Variants in ELP3 observed in about 807,000 individuals in gnomAD.
ELP3 encodes elongator acetyltransferase complex subunit 3.
A neutral mutation model predicts 74.9 loss-of-function variants in ELP3; 56 were observed. The ratio of observed to expected loss-of-function variants is 0.75; its 90% CI spans 0.60 to 0.93. The LOEUF is 0.93. ELP3 is among the 40% of genes least tolerant of loss of function. ELP3 has a pLI of 0.00. For synonymous variants in ELP3, 222 were observed against 239.8 expected, an observed-to-expected ratio of 0.93 and a Z score of 0.68; for missense variants, 573 against 686.5, an observed-to-expected ratio of 0.83 and a Z score of 1.85.
intron 3 of ELP3, among the ~76,000 whole-genome samples, chr8:28,102,789 T>C (rs984543042): frequency 6.6e-6 from 1 of 152,208 alleles, no homozygotes; most frequent in Non-Finnish European, 1.5e-5. Context: ...ATACACTCTG[T>C]GTTCTACATT....
At chr8:28,090,467 A>G (rs1397916716), upstream of ELP3, 3 of 278,328 alleles carry the variant, frequency 1.1e-5, no homozygotes, top group Non-Finnish European at 6.8e-6. Context: ...TAAATCCTCC[A>G]TAGTCTGATG....
chr8:28,102,641 T>G (rs117284905), intron 3 of ELP3, among the ~76,000 whole-genome samples: 6 of 152,322 alleles, frequency 3.9e-5, no homozygotes, highest in East Asian at 1.9e-4. Context: ...GAAAAAAAAT[T>G]TATACACTTC....
At chr8:28,135,407 C>A (rs1373903462) in intron 9 of ELP3, among the ~76,000 whole-genome samples, 1 of 152,282 alleles carries the variant, frequency 6.6e-6, no homozygotes, top group Non-Finnish European at 1.5e-5. Flanking sequence ...TTTGATTCAT[C>A]CAGAGATGAA....
chr8:28,157,031 C>T (rs1240367342), intron 11 of ELP3, among the ~76,000 whole-genome samples: 1 of 152,148 alleles, frequency 6.6e-6, no homozygotes, highest in Non-Finnish European at 1.5e-5. Context: ...TCTCCATCTC[C>T]TCTCGCCTCC....
chr8:28,123,335 G>A (rs1487270422), intron 7 of ELP3, among the ~76,000 whole-genome samples: 1 of 152,088 alleles, frequency 6.6e-6, no homozygotes, highest in African/African-American at 2.4e-5. Context: ...GGTTTTTCTT[G>A]ATATCTTATT....
chr8:28,131,600 G>T (rs908366109), intron 8 of ELP3, among the ~76,000 whole-genome samples: 2 of 152,302 alleles, frequency 1.3e-5, no homozygotes, highest in Non-Finnish European at 2.9e-5. Flanking sequence ...GTGGCAGAAG[G>T]ATAGCCACAA....
intron 6 of ELP3, chr8:28,110,779 A>C (rs1434250582): frequency 4.4e-6 from 1 of 227,412 alleles, no homozygotes; most frequent in Admixed American, 5.5e-5. Context: ...TCCAAAAGTC[A>C]GATTAAGAAG....
chr8:28,153,391 C>T (rs899802494), intron 10 of ELP3, among the ~76,000 whole-genome samples: 8 of 152,208 alleles, frequency 5.3e-5, no homozygotes, highest in Non-Finnish European at 1.2e-4. Flanking sequence ...TACCTGTCCA[C>T]ATTTGTCCCT....
chr8:28,150,367 T>G (rs1268288125), intron 10 of ELP3, among the ~76,000 whole-genome samples: 1 of 152,228 alleles, frequency 6.6e-6, no homozygotes, highest in Non-Finnish European at 1.5e-5. Flanking sequence ...AAAGAATTTC[T>G]TTTAACGTTT....
At chr8:28,184,358 C>T (rs957487926) in intron 14 of ELP3, among the ~76,000 whole-genome samples, 3 of 152,140 alleles carry the variant, frequency 2.0e-5, no homozygotes, top group African/African-American at 7.2e-5. Flanking sequence ...AGGACAAGAA[C>T]TTCAATATAC....
At chr8:28,170,209 A>G (rs1814465691) in intron 14 of ELP3, among the ~76,000 whole-genome samples, 1 of 152,194 alleles carries the variant, frequency 6.6e-6, no homozygotes, top group South Asian at 2.1e-4. Context: ...AGTAAATTCC[A>G]TCTCTGTAAG....
upstream of ELP3, chr8:28,093,042 G>T: frequency 1.9e-6 from 2 of 1,078,098 alleles, no homozygotes; most frequent in Non-Finnish European, 1.4e-6. Flanking sequence ...CCTGTTAGTT[G>T]CAACACGGGG....
At chr8:28,153,464 A>C (rs1206955732) in intron 10 of ELP3, among the ~76,000 whole-genome samples, 1 of 152,252 alleles carries the variant, frequency 6.6e-6, no homozygotes, top group Non-Finnish European at 1.5e-5. Context: ...TGTGCCAGTG[A>C]AAAGAGCAAG....
upstream of ELP3, chr8:28,090,379 C>G (rs1811019714): frequency 2.6e-6 from 1 of 382,320 alleles, no homozygotes; most frequent in East Asian, 7.8e-5. Context: ...GCTTCCCGGT[C>G]TGGTGGTGAA....
chr8:28,180,363 G>A (rs1203010090), intron 14 of ELP3, among the ~76,000 whole-genome samples: 1 of 152,106 alleles, frequency 6.6e-6, no homozygotes, highest in African/African-American at 2.4e-5. Flanking sequence ...AATCTTTCAG[G>A]TTACTAATTT....
intron 6 of ELP3, 36 bp from the exon 7 acceptor site, chr8:28,112,983 T>C (rs1439739207): frequency 1.3e-6 from 2 of 1,597,708 alleles, no homozygotes; most frequent in Non-Finnish European, 1.7e-6. Context: ...TTCCTTATGC[T>C]TATATCATTC....
intron 14 of ELP3, among the ~76,000 whole-genome samples, chr8:28,169,158 G>C (rs1814422818): frequency 6.6e-6 from 1 of 152,122 alleles, no homozygotes; most frequent in African/African-American, 2.4e-5. Flanking sequence ...CTGTCCACTT[G>C]TCCACCATTC....
intron 10 of ELP3, among the ~76,000 whole-genome samples, chr8:28,139,003 G>A (rs3757892): frequency 0.15 from 22,402 of 152,100 alleles, 2,054 homozygotes; most frequent in East Asian, 0.29. Context: ...TAGGTGGTGC[G>A]GAGCAGTGTA....
At chr8:28,101,424 CA>C (rs1231219061) in intron 3 of ELP3, among the ~76,000 whole-genome samples, 1 of 151,828 alleles carries the variant, frequency 6.6e-6, no homozygotes, top group Non-Finnish European at 1.5e-5. Context: ...CATCTCAAAA[CA>C]AAAAACAAAA....
Sources: allele counts gnomAD v4.1 joint callset (sites outside exome capture counted in the v4.1 genomes callset), GRCh38; gene constraint gnomAD v4.1.1; transcripts MANE v1.5; gene names NCBI Gene and HGNC (gene_info 2026-07-23, HGNC 2026-07-21).